CSF1R: variants seen among roughly 807,000 people sequenced by gnomAD.
CSF1R encodes the protein macrophage colony-stimulating factor 1 receptor.
Under a neutral mutation model 110.0 loss-of-function variants are expected in CSF1R, and 40 were observed. The ratio of observed to expected loss-of-function variants is 0.36; its 90% CI spans 0.28 to 0.47. The LOEUF is 0.47. Among genes scored for constraint, CSF1R ranks in the 20% least tolerant of loss-of-function variants. The pLI, the probability that CSF1R is intolerant of heterozygous loss-of-function variation, is 0.99. For synonymous variants in CSF1R, 523 were observed against 503.4 expected, an observed-to-expected ratio of 1.04 and a Z score of -0.52; for missense variants, 1,052 against 1,253.0, an observed-to-expected ratio of 0.84 and a Z score of 2.42.
At chr5:150,087,722 T>C (rs1206520802), upstream of CSF1R, among the ~76,000 whole-genome samples, 1 of 151,854 alleles carries the variant, frequency 6.6e-6, no homozygotes, top group Admixed American at 6.6e-5. Flanking sequence ...ACATGGTCAT[T>C]TCTTCTTCTT....
At chr5:150,106,118 G>C (rs571239812) in intron 1 of CSF1R, among the ~76,000 whole-genome samples, 1 of 152,244 alleles carries the variant, frequency 6.6e-6, no homozygotes, top group Non-Finnish European at 1.5e-5. Flanking sequence ...CTGACCGCTA[G>C]TGGACACAGA....
intron 1 of CSF1R, chr5:150,098,560 A>G (rs1759295047): frequency 6.6e-6 from 1 of 152,238 alleles, no homozygotes; most frequent in Non-Finnish European, 1.5e-5. Context: ...TACTCTTTTA[A>G]ATAGATGGTT....
intron 5 of CSF1R, among the ~76,000 whole-genome samples, chr5:150,074,277 T>C (rs902322389): frequency 1.3e-5 from 2 of 151,940 alleles, no homozygotes; most frequent in Admixed American, 6.6e-5. Context: ...TTGGTTTCTA[T>C]TACTTGTATC....
At chr5:150,067,537 A>G (rs1757825936) in intron 10 of CSF1R, among the ~76,000 whole-genome samples, 1 of 150,752 alleles carries the variant, frequency 6.6e-6, no homozygotes. Context: ...AATCACTGTC[A>G]TATACTGAGC....
chr5:150,104,278 G>T (rs2113866115), intron 1 of CSF1R, among the ~76,000 whole-genome samples: 1 of 152,374 alleles, frequency 6.6e-6, no homozygotes, highest in East Asian at 1.9e-4. Context: ...AGCAAGAGGG[G>T]TGGAGGCTAC....
chr5:150,094,551 C>A, intron 1 of CSF1R: 1 of 1,595,478 alleles, frequency 6.3e-7, no homozygotes, highest in East Asian at 2.2e-5. Flanking sequence ...CTTCTATGTA[C>A]CTGCAGAACC....
At chr5:150,079,866 CCCTGCCCCGACACCTTGTCAGT>C (rs1758443922) in intron 3 of CSF1R, among the ~76,000 whole-genome samples, 164 bp downstream of exon 3, 1 of 152,216 alleles carries the variant, frequency 6.6e-6, no homozygotes. Flanking sequence ...TGGTTTGTCT[CCCTGCCCCGACACCTTGTCAGT>C]CCTGCCCCAT....
rs765814605 is a variant in CSF1R at position 150,054,178 on chromosome 5, C to G, written c.2810G>C (p.Ser937Thr). Residue 937 changes from serine (S) to threonine (T), a missense_variant, in exon 21 of 21, where the codon AGC (serine) becomes ACC (threonine). Coordinates refer to ENST00000675795, the MANE Select transcript of CSF1R (RefSeq NM_001288705.3). ...PSSSRSGGSGSSSSELEEESS... is the reference protein window; with the variant it reads ...PSSSRSGGSGTSSSELEEESS... ...CTCCTCCTCCAGCTCACTGCTGCTG[C>G]TGCCGCTGCCACCGCTTCTGCTGCT... 1 of 1,612,736 alleles carries G rather than the reference C, an allele frequency of 6.2e-7. No individual in the cohort carries two copies. Among genetic ancestry groups the G allele is most frequent in the Non-Finnish European group, 8.5e-7 (1 of 1,179,446 alleles).
rs781510744 is a variant in CSF1R, at chr5:150,054,174, G to GCTGCTGCCGCTGCCACCGCTT, written c.2793_2813dup (p.Arg931_Ser937dup). ...AGCTCTCCTCCTCCAGCTCACTGCT[G>GCTGCTGCCGCTGCCACCGCTT]CTGCTGCCGCTGCCACCGCTTCTGC... On this transcript the variant is annotated inframe_insertion, in exon 21 of 21. Coordinates refer to ENST00000675795, the MANE Select transcript of CSF1R (RefSeq NM_001288705.3). 3.1e-6 allele frequency: 5 copies of GCTGCTGCCGCTGCCACCGCTT among 1,611,976 alleles called. No homozygotes were observed. The South Asian group carries it at 5.5e-5, about 18-fold the overall frequency.
At chr5:150,083,129 C>T (rs2113837391) in intron 1 of CSF1R, among the ~76,000 whole-genome samples, 1 of 152,138 alleles carries the variant, frequency 6.6e-6, no homozygotes, top group East Asian at 1.9e-4. Context: ...GCTTGGCTAG[C>T]AGGGAAGGAA....
chr5:150,087,169 C>G (rs909819216), upstream of CSF1R, among the ~76,000 whole-genome samples: 2 of 152,174 alleles, frequency 1.3e-5, no homozygotes, highest in East Asian at 1.9e-4. Context: ...GCTGCAGAAT[C>G]TGAACAATTG....
At chr5:150,108,051 G>A (rs1270197834) in intron 1 of CSF1R, among the ~76,000 whole-genome samples, 1 of 152,138 alleles carries the variant, frequency 6.6e-6, no homozygotes, top group Non-Finnish European at 1.5e-5. Flanking sequence ...TTGAGAGGAA[G>A]TGAGAAGGGT....
intron 1 of CSF1R, among the ~76,000 whole-genome samples, chr5:150,091,852 C>CAAAAAAAAAA: frequency 1.4e-5 from 1 of 71,230 alleles, no homozygotes; most frequent in Non-Finnish European, 2.5e-5. Flanking sequence ...CCCATACTAC[C>CAAAAAAAAAA]AAAAAAAAAA....
At chr5:150,063,543 A>T (rs2113796017) in intron 10 of CSF1R, among the ~76,000 whole-genome samples, 1 of 151,782 alleles carries the variant, frequency 6.6e-6, no homozygotes, top group African/African-American at 2.4e-5. Context: ...AGAAAGAGAG[A>T]CGCTGCCCAC....
rs1266374160 is a variant in CSF1R at position 150,080,207 on chromosome 5, C to T, written c.437G>A (p.Arg146Gln). ...AGVSLVRVRGRPLMRHTNYSF... is the reference protein window; with the variant it reads ...AGVSLVRVRGQPLMRHTNYSF... The stretch of plus-strand genomic sequence containing the variant: ...GTAGTTGGTGTGGCGCATGAGGGGC[C>T]GGCCACGCACACGCACCAGCGAGAC... The change falls in exon 3 of 21, where the codon CGG (arginine) becomes CAG (glutamine). Residue 146 changes from arginine (R) to glutamine (Q), a missense_variant. By Grantham distance (43) the Arg-to-Gln change is conservative. Transcript: ENST00000675795. 3.7e-6 allele frequency: 6 copies of T among 1,613,668 alleles called. No individual in the cohort carries two copies. Among genetic ancestry groups the T allele is most frequent in the South Asian group, 1.1e-5 (1 of 91,086 alleles).
At chr5:150,102,532 T>A (rs1581350097) in intron 1 of CSF1R, among the ~76,000 whole-genome samples, 1 of 152,162 alleles carries the variant, frequency 6.6e-6, no homozygotes, top group Non-Finnish European at 1.5e-5. Flanking sequence ...CAGGCTGGAG[T>A]GCAGTGGCGC....
intron 3 of CSF1R, among the ~76,000 whole-genome samples, chr5:150,079,561 G>A (rs548670385): frequency 1.3e-5 from 2 of 152,266 alleles, no homozygotes; most frequent in East Asian, 1.9e-4. Context: ...CCTTAGGCAG[G>A]CCCCCAGTGG....
At chr5:150,074,753 C>T (rs1758188986) in intron 5 of CSF1R, among the ~76,000 whole-genome samples, 1 of 152,170 alleles carries the variant, frequency 6.6e-6, no homozygotes, top group African/African-American at 2.4e-5. Context: ...TATGGAGTCC[C>T]ATTGCCTCCA....
upstream of CSF1R, among the ~76,000 whole-genome samples, chr5:150,089,810 G>A (rs1758978084): frequency 6.6e-6 from 1 of 152,092 alleles, no homozygotes; most frequent in Admixed American, 6.6e-5. Flanking sequence ...AAAATAGTGT[G>A]GTATCAGCAT....
Sources: gnomAD v4.1 joint callset for allele counts (sites outside exome capture counted in the v4.1 genomes callset) on GRCh38, gnomAD v4.1.1 for gene constraint, MANE v1.5 for transcripts, NCBI Gene and HGNC (gene_info 2026-07-23, HGNC 2026-07-21) for gene names.